The following PTPRD variants were observed in gnomAD, a reference collection of about 807,000 sequenced individuals.
PTPRD encodes the protein protein tyrosine phosphatase receptor type D, also known as receptor-type tyrosine-protein phosphatase delta.
In PTPRD, 34 loss-of-function variants were observed where a neutral mutation model predicts 214.5. The observed-to-expected ratio is 0.16, with a 90% CI of 0.12 to 0.21. The LOEUF (loss-of-function observed/expected upper bound fraction) is 0.21. Among genes scored for constraint, PTPRD ranks in the 10% least tolerant of loss-of-function variants. The probability of loss-of-function intolerance (pLI) is 1.00; values close to 1 mark genes in which losing one functional copy is unlikely to be tolerated. For synonymous variants in PTPRD, 1,128 were observed against 845.7 expected (o/e 1.33, Z -5.79); for missense variants, 2,545 against 2,398.7 (o/e 1.06, Z -1.27).
At chr9:8,877,351 C>T (rs1006109260) in intron 11 of PTPRD, among the ~76,000 whole-genome samples, 2 of 152,232 alleles carry the variant, frequency 1.3e-5, no homozygotes, top group East Asian at 1.9e-4. Context: ...GTTTATTAAA[C>T]GTTGTTTAAT....
intron 3 of PTPRD, among the ~76,000 whole-genome samples, chr9:10,166,068 A>G (rs2099157144): frequency 6.7e-6 from 1 of 150,050 alleles, no homozygotes. Flanking sequence ...TATTTAAATA[A>G]TGCATAATAT....
intron 11 of PTPRD, among the ~76,000 whole-genome samples, chr9:8,782,636 T>C (rs985913791): frequency 6.7e-6 from 1 of 148,668 alleles, no homozygotes; most frequent in Non-Finnish European, 1.5e-5. Context: ...CTCGCCCCGT[T>C]GCCCAGGCTG....
At chr9:10,348,685 A>G (rs1029129412) in intron 2 of PTPRD, among the ~76,000 whole-genome samples, 3 of 152,202 alleles carry the variant, frequency 2.0e-5, no homozygotes, top group Admixed American at 6.5e-5. Context: ...AATCTTGTAA[A>G]GTTTTTCTAA....
At chr9:9,464,782 C>A (rs1265319371) in intron 8 of PTPRD, among the ~76,000 whole-genome samples, 1 of 152,094 alleles carries the variant, frequency 6.6e-6, no homozygotes, top group Non-Finnish European at 1.5e-5. Flanking sequence ...TCTTCCTTAA[C>A]CATGATTATT....
chr9:8,366,628 G>A (rs137973674), intron 39 of PTPRD, among the ~76,000 whole-genome samples: 1 of 152,256 alleles, frequency 6.6e-6, no homozygotes, highest in African/African-American at 2.4e-5. Flanking sequence ...GCAAGCTTGA[G>A]GAGGCAGTCT....
intron 11 of PTPRD, among the ~76,000 whole-genome samples, chr9:9,004,935 A>G (rs1264030312): frequency 6.6e-6 from 1 of 152,134 alleles, no homozygotes; most frequent in African/African-American, 2.4e-5. Context: ...CGGGGAAGCC[A>G]AAAATGAGCT....
At chr9:9,466,260 G>C (rs72704659) in intron 8 of PTPRD, among the ~76,000 whole-genome samples, 2,704 of 152,214 alleles carry the variant, frequency 0.018, 45 homozygotes, top group Non-Finnish European at 0.029. Flanking sequence ...AGTGAGCTGT[G>C]ATTGTGTCAC....
chr9:9,722,812 G>C (rs1052384221), intron 7 of PTPRD, among the ~76,000 whole-genome samples: 1 of 152,022 alleles, frequency 6.6e-6, no homozygotes, highest in African/African-American at 2.4e-5. Flanking sequence ...TTGTTAACTA[G>C]TGATTTTCAT....
chr9:8,696,030 T>G (rs899943984), intron 12 of PTPRD, among the ~76,000 whole-genome samples: 5 of 152,294 alleles, frequency 3.3e-5, no homozygotes, highest in Middle Eastern at 6.8e-3. Flanking sequence ...GAAACTCCAG[T>G]ATGACACCTG....
intron 2 of PTPRD, among the ~76,000 whole-genome samples, chr9:10,577,558 G>A (rs1388453946): frequency 6.6e-6 from 1 of 152,110 alleles, no homozygotes; most frequent in Non-Finnish European, 1.5e-5. Flanking sequence ...TTCACCCAGT[G>A]GGCCTCAGTT....
At position 9,072,390 on chromosome 9, in the gene PTPRD, A is replaced by G. The variant is rs998524168; in HGVS notation, c.-142-53655T>C. 3.3e-5 allele frequency among the ~76,000 whole-genome samples: 5 copies of G among 151,948 alleles called. No homozygotes were observed. The East Asian group carries it at 9.7e-4, about 29-fold the overall frequency. On this transcript the variant is annotated intron_variant, in intron 10 of 45. Coordinates refer to ENST00000381196, the MANE Select transcript of PTPRD (RefSeq NM_002839.4). ...CATTGTCACAGATTGCTACCAGACT[A>G]TACACAATGTCATTTGGAAGCCAAT...
intron 11 of PTPRD, among the ~76,000 whole-genome samples, chr9:8,864,118 G>A (rs118042273): frequency 1.5e-3 from 231 of 152,312 alleles, no homozygotes; most frequent in Non-Finnish European, 2.4e-3. Context: ...ATAGTTGTGA[G>A]GAGGATTCTT....
At chr9:9,441,731 A>T (rs571308656) in intron 8 of PTPRD, among the ~76,000 whole-genome samples, 49 of 152,328 alleles carry the variant, frequency 3.2e-4, no homozygotes, top group African/African-American at 1.2e-3. Flanking sequence ...AAAATGAATG[A>T]ATTTGGCATT....
At chr9:10,507,524 A>C (rs1025519017) in intron 2 of PTPRD, among the ~76,000 whole-genome samples, 24 of 152,174 alleles carry the variant, frequency 1.6e-4, no homozygotes, top group African/African-American at 5.5e-4. Flanking sequence ...AAGCTGGAGG[A>C]ATCACGCTAC....
chr9:8,879,169 T>C (rs1218913046), intron 11 of PTPRD, among the ~76,000 whole-genome samples: 1 of 152,196 alleles, frequency 6.6e-6, no homozygotes. Context: ...TTGTCTTTTC[T>C]TGGGCCCAGC....
intron 6 of PTPRD, among the ~76,000 whole-genome samples, chr9:9,741,026 C>A (rs1436033128): frequency 6.6e-6 from 1 of 151,994 alleles, no homozygotes; most frequent in African/African-American, 2.4e-5. Context: ...GGAAAGACTT[C>A]GGTAACTGGC....
At chr9:9,207,485 A>G (rs2099945597) in intron 9 of PTPRD, among the ~76,000 whole-genome samples, 1 of 152,162 alleles carries the variant, frequency 6.6e-6, no homozygotes, top group Non-Finnish European at 1.5e-5. Context: ...AAGCCAAATA[A>G]AAATATAAAC....
intron 11 of PTPRD, among the ~76,000 whole-genome samples, chr9:8,847,060 G>T (rs911479295): frequency 1.3e-5 from 2 of 152,144 alleles, no homozygotes; most frequent in Non-Finnish European, 2.9e-5. Flanking sequence ...GAATAATTTG[G>T]TGGAAAGGAA....
At chr9:9,091,967 T>C (rs1314495783) in intron 10 of PTPRD, among the ~76,000 whole-genome samples, 1 of 152,172 alleles carries the variant, frequency 6.6e-6, no homozygotes, top group Non-Finnish European at 1.5e-5. Flanking sequence ...AGACAATGGT[T>C]TTTAAGTGTC....
Sources: gnomAD v4.1 joint callset for allele counts (sites outside exome capture counted in the v4.1 genomes callset) on GRCh38, gnomAD v4.1.1 for gene constraint, MANE v1.5 for transcripts, NCBI Gene and HGNC (gene_info 2026-07-23, HGNC 2026-07-21) for gene names.